ACOT12: variants seen among roughly 807,000 people sequenced by gnomAD.
ACOT12 encodes the protein acyl-CoA thioesterase 12.
In ACOT12, 51 loss-of-function variants were observed where a neutral mutation model predicts 67.7. The observed-to-expected ratio is 0.75, with a 90% CI of 0.60 to 0.95. ACOT12 has a LOEUF of 0.95. Ranked by LOEUF, ACOT12 falls within the 40% of genes least tolerant of loss-of-function variation. ACOT12 has a pLI of 0.00. For missense variants in ACOT12, 734 were observed against 708.1 expected, an observed-to-expected ratio of 1.04 and a Z score of -0.41; for synonymous variants, 251 against 244.6, an observed-to-expected ratio of 1.03 and a Z score of -0.24.
At chr5:81,340,982 T>G (rs915893862) in intron 11 of ACOT12, among the ~76,000 whole-genome samples, 1 of 152,180 alleles carries the variant, frequency 6.6e-6, no homozygotes. Flanking sequence ...AGCAAATTTA[T>G]TTGGGTATGC....
chr5:81,359,769 G>A, intron 5 of ACOT12, 134 bp downstream of exon 5: 2 of 955,798 alleles, frequency 2.1e-6, no homozygotes, highest in Non-Finnish European at 1.5e-6. Flanking sequence ...CAGCCACCGG[G>A]TTTGTTGGAA....
At position 81,393,971 on chromosome 5, in the gene ACOT12, C is replaced by CCCCGGCGCCCGCCTA; in HGVS notation, c.127+2_127+16dup. On this transcript the variant is annotated intron_variant, in intron 1 of 14. Transcript: ENST00000307624. ...GCCCCGGTCCCGCGCCTCCCCGCAG[C>CCCCGGCGCCCGCCTA]CCCGGCGCCCGCCTACCCGCCAGGC... 1.5e-6 allele frequency: 2 copies of CCCCGGCGCCCGCCTA among 1,329,942 alleles called. No individual in the cohort carries two copies. The highest frequency in any genetic ancestry group is 1.9e-6 in the Non-Finnish European group (2 of 1,046,304). The allele number at this position is 1,329,942 out of a possible 1,614,324, so 82.4% of individuals were successfully genotyped here.
At position 81,330,842 on chromosome 5, in the gene ACOT12, A is replaced by G. The variant is rs768902170; in HGVS notation, c.1490T>C (p.Ile497Thr). 5 of 1,614,050 alleles carry G rather than the reference A, an allele frequency of 3.1e-6. No individual in the cohort carries two copies. Among genetic ancestry groups the G allele is most frequent in the Admixed American group, 3.3e-5 (2 of 59,982 alleles). Residue 497 changes from isoleucine to threonine, a missense_variant, in exon 14 of 15, where the codon ATC becomes ACC. Coordinates refer to ENST00000307624, the MANE Select transcript of ACOT12 (RefSeq NM_130767.3). ...RSEIICAGFLIHAIDSNSCIV... is the reference protein window; with the variant it reads ...RSEIICAGFLTHAIDSNSCIV... ...GCATGAATTGCTGTCAATAGCATGGATGAGAAATCCGGCACATATGATTTC... is the reference window on the plus strand; with the variant it reads ...GCATGAATTGCTGTCAATAGCATGGGTGAGAAATCCGGCACATATGATTTC...
At chr5:81,342,824 G>T in intron 10 of ACOT12, 69 bp from the exon 11 acceptor site, 2 of 1,537,418 alleles carry the variant, frequency 1.3e-6, no homozygotes, top group South Asian at 1.1e-5. Context: ...TATATTTTCT[G>T]CTTAAAAAAT....
rs142286657 is a variant in ACOT12, at chr5:81,331,919, T to C, written c.1391+558A>G. On this transcript the variant is annotated intron_variant, in intron 13 of 14. Transcript: ENST00000307624. ...GCTCTACCATAATTTATAAGATGGA[T>C]TTTCCATTTGTTTCTAATATCTTTT... 5.1e-3 allele frequency among the ~76,000 whole-genome samples: 774 copies of C among 152,332 alleles called. 4 individuals are homozygous for C. Among genetic ancestry groups the C allele is most frequent in the Middle Eastern group, 6.8e-3 (2 of 294 alleles).
chr5:81,349,303 A>G (rs1759481976), intron 5 of ACOT12, among the ~76,000 whole-genome samples: 3 of 152,182 alleles, frequency 2.0e-5, no homozygotes, highest in Admixed American at 6.5e-5. Flanking sequence ...ACAAGTCAGT[A>G]GCTACCCATT....
intron 2 of ACOT12, among the ~76,000 whole-genome samples, chr5:81,381,017 C>A (rs1358975053): frequency 1.3e-5 from 2 of 151,894 alleles, no homozygotes; most frequent in Admixed American, 6.6e-5. Context: ...ATTTGTGTAT[C>A]CAAACATAGC....
At chr5:81,350,769 A>G (rs1401586317) in intron 5 of ACOT12, among the ~76,000 whole-genome samples, 1 of 151,872 alleles carries the variant, frequency 6.6e-6, no homozygotes, top group Admixed American at 6.6e-5. Flanking sequence ...AAGGGAGAGA[A>G]TTTTTTTTCC....
At chr5:81,354,498 G>A (rs976276535) in intron 5 of ACOT12, among the ~76,000 whole-genome samples, 9 of 152,108 alleles carry the variant, frequency 5.9e-5, no homozygotes, top group Non-Finnish European at 1.2e-4. Context: ...CTTGAGGGGG[G>A]TGTGAAGACA....
the ACOT12 span, chr5:81,313,098 A>G: frequency 1.3e-5 from 2 of 152,528 alleles, no homozygotes; most frequent in African/African-American, 2.4e-5. Flanking sequence ...TAGAAAGTCT[A>G]TATTTTTAAA....
Position 81,363,823 on chromosome 5 carries a change from A to G in ACOT12, c.325T>C (p.Ser109Pro). 4 of 1,612,226 alleles carry G rather than the reference A, an allele frequency of 2.5e-6. No individual in the cohort carries two copies. Among genetic ancestry groups the G allele is most frequent in the Non-Finnish European group, 3.4e-6 (4 of 1,179,188 alleles). The change falls in exon 4 of 15, where the codon TCC (serine) becomes CCC (proline). Residue 109 changes from serine to proline, a missense_variant. Transcript: ENST00000307624. ...CCAACTGGTTTGGCTACAAATGTGG[A>G]GAAAGCCACACTAACAAGCTTCTCA... ...GIEKLVSVAF[S>P]TFVAKPVGKE... is the part of the protein sequence containing the mutation.
At chr5:81,371,715 A>C (rs758461186) in intron 3 of ACOT12, 35 bp downstream of exon 3, 1 of 1,596,970 alleles carries the variant, frequency 6.3e-7, no homozygotes, top group East Asian at 2.2e-5. Flanking sequence ...AGAAGTGAGC[A>C]CCAACAGGCA....
chr5:81,346,108 GA>G (rs1430615322), intron 6 of ACOT12, 104 bp from the exon 7 acceptor site: 4 of 1,504,744 alleles, frequency 2.7e-6, no homozygotes, highest in Non-Finnish European at 3.6e-6. Flanking sequence ...AAATTTGACT[GA>G]AATAAATAAC....
chr5:81,343,247 C>A (rs576085481), intron 10 of ACOT12, among the ~76,000 whole-genome samples: 50 of 150,338 alleles, frequency 3.3e-4, no homozygotes, highest in African/African-American at 1.1e-3. Flanking sequence ...GAAAAAAAAA[C>A]AAACAAAAGT....
chr5:81,310,000 TGTATTATTCAA>T, the ACOT12 span, among the ~76,000 whole-genome samples: 1 of 152,044 alleles, frequency 6.6e-6, no homozygotes, highest in South Asian at 2.1e-4. Context: ...AGGATTAAAA[TGTATTATTCAA>T]GTGCTTCTCT....
intron 12 of ACOT12, among the ~76,000 whole-genome samples, chr5:81,333,680 C>T (rs557482905): frequency 8.3e-4 from 126 of 152,262 alleles, no homozygotes; most frequent in African/African-American, 2.7e-3. Context: ...AGAGTATCTA[C>T]TAAATTGATG....
At chr5:81,314,143 C>T in the ACOT12 span, among the ~76,000 whole-genome samples, 1 of 151,962 alleles carries the variant, frequency 6.6e-6, no homozygotes, top group Non-Finnish European at 1.5e-5. Flanking sequence ...CTCACTCTGT[C>T]ACCCAGGCTA....
At chr5:81,357,614 G>A (rs1347565258) in intron 5 of ACOT12, among the ~76,000 whole-genome samples, 2 of 152,086 alleles carry the variant, frequency 1.3e-5, no homozygotes, top group Non-Finnish European at 2.9e-5. Flanking sequence ...CAAAAGGGTG[G>A]AGAATGACCT....
downstream of ACOT12, among the ~76,000 whole-genome samples, chr5:81,329,113 A>G (rs966995853): frequency 1.3e-5 from 2 of 152,110 alleles, no homozygotes; most frequent in Non-Finnish European, 2.9e-5. Context: ...TCATCACTCT[A>G]CTCCTTTAAC....
Sources: gnomAD v4.1 joint callset for allele counts (sites outside exome capture counted in the v4.1 genomes callset) on GRCh38, gnomAD v4.1.1 for gene constraint, MANE v1.5 for transcripts, NCBI Gene and HGNC (gene_info 2026-07-23, HGNC 2026-07-21) for gene names.